The following ABCA10 variants were observed in gnomAD, a reference collection of about 807,000 sequenced individuals.
ABCA10 encodes the protein ATP-binding cassette sub-family A member 10.
Under a neutral mutation model 187.5 loss-of-function variants are expected in ABCA10, and 169 were observed. The observed-to-expected ratio is 0.90, with a 90% CI of 0.80 to 1.02. The LOEUF (loss-of-function observed/expected upper bound fraction) is 1.02. Ranked by LOEUF, ABCA10 falls within the 50% of genes least tolerant of loss-of-function variation. The pLI is 0.00. For synonymous variants in ABCA10, 574 were observed against 601.8 expected, an observed-to-expected ratio of 0.95 and a Z score of 0.68; for missense variants, 1,727 against 1,812.4, an observed-to-expected ratio of 0.95 and a Z score of 0.86.
intron 18 of ABCA10, among the ~76,000 whole-genome samples, chr17:69,189,838 G>C (rs1361040690): frequency 6.6e-6 from 1 of 152,118 alleles, no homozygotes; most frequent in African/African-American, 2.4e-5. Flanking sequence ...CTGTAGGTTT[G>C]TGGCTTTATT....
intron 25 of ABCA10, among the ~76,000 whole-genome samples, chr17:69,171,750 A>C (rs1227486635): frequency 6.6e-6 from 1 of 152,206 alleles, no homozygotes; most frequent in Non-Finnish European, 1.5e-5. Flanking sequence ...TGAACAGTTA[A>C]AATGTAAGCA....
intron 27 of ABCA10, among the ~76,000 whole-genome samples, chr17:69,162,963 G>A (rs921680556): frequency 2.0e-5 from 3 of 151,616 alleles, no homozygotes; most frequent in African/African-American, 7.3e-5. Flanking sequence ...TCAGCCTCCC[G>A]AGTAGCTGGA....
intron 27 of ABCA10, among the ~76,000 whole-genome samples, chr17:69,163,301 T>A (rs1216789928): frequency 6.6e-6 from 1 of 152,164 alleles, no homozygotes; most frequent in Non-Finnish European, 1.5e-5. Context: ...CGCAGCCAAA[T>A]ACACAATAGA....
chr17:69,217,284 T>C (rs899899315), intron 6 of ABCA10, among the ~76,000 whole-genome samples: 1 of 151,912 alleles, frequency 6.6e-6, no homozygotes, highest in African/African-American at 2.4e-5. Flanking sequence ...ATGATGATTA[T>C]AGTTGTATAA....
Position 69,188,884 on chromosome 17 carries a change from G to A in ABCA10, c.2132-1005C>T, listed in dbSNP as rs116970787. On this transcript the variant is annotated intron_variant, in intron 18 of 38. Transcript: ENST00000690296. ...ACATGATCTCATTCTTTATGGTTGCGTGGTATTACATAGTGTACATGTAAC... is the reference window on the plus strand; with the variant it reads ...ACATGATCTCATTCTTTATGGTTGCATGGTATTACATAGTGTACATGTAAC... Among the ~76,000 whole-genome samples the A allele has an allele frequency of 2.1e-4, 32 of 152,070 alleles. No individual in the cohort carries two copies. The East Asian group carries it at 2.9e-3, about 14-fold the overall frequency.
chr17:69,211,349 A>ATATG (rs2074656124), intron 9 of ABCA10, among the ~76,000 whole-genome samples: 8 of 20,034 alleles, frequency 4.0e-4, no homozygotes, highest in African/African-American at 1.3e-3. Flanking sequence ...ATATATATAT[A>ATATG]TATATATATA....
intron 22 of ABCA10, among the ~76,000 whole-genome samples, chr17:69,177,973 A>ATGTT (rs68149070): frequency 2.0e-5 from 1 of 49,980 alleles, no homozygotes; most frequent in African/African-American, 6.1e-5. Context: ...AAAAAAAAAA[A>ATGTT]ATATATATAT....
chr17:69,241,912 T>A (rs1184187755), intron 1 of ABCA10, among the ~76,000 whole-genome samples: 2 of 152,234 alleles, frequency 1.3e-5, no homozygotes, highest in African/African-American at 4.8e-5. Context: ...AGTCTTTCTT[T>A]GAAACTTAAA....
chr17:69,222,606 A>G lies in ABCA10; in HGVS notation c.126T>C (p.Asp42=), dbSNP rs2074758716. ...YHEMVGVIFS[D]TFSYRLKFNW... is the part of the protein sequence containing the mutation. Reference sequence around the variant, plus strand: ...TAAACTTCAGGCGATATGAGAAAGTATCACTAAATATAACTCCCACCATTT... The same window carrying G: ...TAAACTTCAGGCGATATGAGAAAGTGTCACTAAATATAACTCCCACCATTT... Residue 42 remains aspartate (D), a synonymous_variant, in exon 4 of 39, where the codon GAT becomes GAC. Transcript: ENST00000690296. The G allele has an allele frequency of 1.2e-6, 2 of 1,603,762 alleles. No individual in the cohort carries two copies. The highest frequency in any genetic ancestry group is 1.7e-6 in the Non-Finnish European group (2 of 1,177,698).
At chr17:69,154,131 A>G in intron 31 of ABCA10, 104 bp downstream of exon 31, 2 of 1,436,448 alleles carry the variant, frequency 1.4e-6, no homozygotes, top group Non-Finnish European at 1.9e-6. Context: ...GAAATTTTAT[A>G]AATTCTTTCA....
chr17:69,202,652 A>G (rs2074555482), intron 9 of ABCA10, among the ~76,000 whole-genome samples: 1 of 152,198 alleles, frequency 6.6e-6, no homozygotes, highest in Non-Finnish European at 1.5e-5. Flanking sequence ...AAATACATAG[A>G]TAATTCTTTA....
intron 34 of ABCA10, among the ~76,000 whole-genome samples, 170 bp downstream of exon 34, chr17:69,153,135 T>A (rs938353578): frequency 1.3e-5 from 2 of 152,180 alleles, no homozygotes; most frequent in Non-Finnish European, 2.9e-5. Flanking sequence ...ATTTTTTCCC[T>A]CCTGCAGGAA....
chr17:69,185,740 A>C, intron 19 of ABCA10, 97 bp from the exon 20 acceptor site: 8 of 956,702 alleles, frequency 8.4e-6, no homozygotes, highest in Non-Finnish European at 1.1e-5. Flanking sequence ...TGGAAAGTCC[A>C]CATGCATATG....
chr17:69,219,645 AAG>A lies in ABCA10; in HGVS notation c.428_429del (p.Ser143PhefsTer20), dbSNP rs771399586. 18 of 1,611,146 alleles carry A rather than the reference AAG, an allele frequency of 1.1e-5. No homozygotes were observed. In the East Asian group the frequency reaches 3.8e-4, roughly 34 times the overall value. The part of the protein sequence containing the change: ...NEWFHFTCLV[S>X]FSSFIYFASL... ...GATGCAAAGTATATAAAAGAAGAGA[AAG>A]AAACTAAGCAAGTAAAATGAAACCA... On this transcript the variant is annotated frameshift_variant, in exon 6 of 39. Coordinates refer to ENST00000690296, the MANE Select transcript of ABCA10 (RefSeq NM_001377321.1). LOFTEE classifies it high-confidence loss of function.
At chr17:69,216,431 TAAGAGTAA>T in intron 6 of ABCA10, 73 bp from the exon 7 acceptor site, 1 of 1,495,328 alleles carries the variant, frequency 6.7e-7, no homozygotes. Flanking sequence ...GCGAAATGGT[TAAGAGTAA>T]AAGCTCTGAA....
At chr17:69,195,877 G>A (rs1427431488) in intron 11 of ABCA10, among the ~76,000 whole-genome samples, 3 of 152,030 alleles carry the variant, frequency 2.0e-5, no homozygotes, top group African/African-American at 7.3e-5. Context: ...GGGGTTGGGG[G>A]TAAGGCCATA....
chr17:69,155,284 CA>C lies in ABCA10; in HGVS notation c.3577-149del, dbSNP rs541229332. On this transcript the variant is annotated intron_variant, in intron 29 of 38. Coordinates refer to ENST00000690296, the MANE Select transcript of ABCA10 (RefSeq NM_001377321.1). ...AGCCTCTTTTTTCAAATAAAATACCCAAATGTATGTTCATAAATAAGGGCTA... is the reference window on the plus strand; with the variant it reads ...AGCCTCTTTTTTCAAATAAAATACCCAATGTATGTTCATAAATAAGGGCTA... The C allele has an allele frequency of 7.3e-4, 427 of 588,924 alleles. 1 individual carries two copies. The highest frequency in any genetic ancestry group is 1.1e-3 in the Non-Finnish European group (375 of 337,950). 36.5% of individuals were successfully genotyped at this position (588,924 alleles called of 1,614,324 possible).
At chr17:69,205,912 T>A (rs1312672019) in intron 9 of ABCA10, among the ~76,000 whole-genome samples, 1 of 152,192 alleles carries the variant, frequency 6.6e-6, no homozygotes, top group East Asian at 1.9e-4. Context: ...ACCATATTAA[T>A]TATCAAAAAG....
chr17:69,166,604 T>C (rs567095109), intron 25 of ABCA10, among the ~76,000 whole-genome samples: 2 of 152,214 alleles, frequency 1.3e-5, no homozygotes, highest in Non-Finnish European at 2.9e-5. Flanking sequence ...AGTCATTATA[T>C]GACAACTTAA....
Sources: gnomAD v4.1 joint callset for allele counts (sites outside exome capture counted in the v4.1 genomes callset) on GRCh38, gnomAD v4.1.1 for gene constraint, MANE v1.5 for transcripts, NCBI Gene and HGNC (gene_info 2026-07-23, HGNC 2026-07-21) for gene names.